The following GARIN2 variants were observed in gnomAD, a reference collection of about 807,000 sequenced individuals.
GARIN2 encodes golgi associated RAB2 interactor family member 2.
At chr14:67,203,491 T>C in the GARIN2 span, among the ~76,000 whole-genome samples, 1 of 152,170 alleles carries the variant, frequency 6.6e-6, no homozygotes, top group Non-Finnish European at 1.5e-5. Context: ...GCAGTTAATT[T>C]TTAAAAAACT....
chr14:67,216,479 G>A, the GARIN2 span, among the ~76,000 whole-genome samples: 1 of 151,716 alleles, frequency 6.6e-6, no homozygotes, highest in Admixed American at 6.6e-5. Context: ...AGTTCCTCAA[G>A]GTGCATCATT....
the GARIN2 span, among the ~76,000 whole-genome samples, chr14:67,211,705 T>C: frequency 1.3e-4 from 20 of 151,922 alleles, no homozygotes; most frequent in African/African-American, 4.8e-4. Flanking sequence ...ACAGTGGGAG[T>C]ACCATCCTGG....
At chr14:67,194,572 C>A in the GARIN2 span, among the ~76,000 whole-genome samples, 1 of 152,032 alleles carries the variant, frequency 6.6e-6, no homozygotes, top group Admixed American at 6.6e-5. Flanking sequence ...GTGGCACAAT[C>A]TTGGCTCACT....
the GARIN2 span, among the ~76,000 whole-genome samples, chr14:67,196,342 G>A: frequency 2.0e-5 from 3 of 151,482 alleles, no homozygotes; most frequent in Non-Finnish European, 4.4e-5. Context: ...TCAGTCTCCC[G>A]AATAGCTGGG....
the GARIN2 span, chr14:67,208,533 G>T: frequency 7.2e-7 from 1 of 1,386,354 alleles, no homozygotes; most frequent in Non-Finnish European, 9.7e-7. Context: ...CTTAACTCAG[G>T]CATCTGCCAC....
the GARIN2 span, among the ~76,000 whole-genome samples, chr14:67,220,729 ACATT>A: frequency 1.3e-5 from 2 of 152,188 alleles, no homozygotes; most frequent in African/African-American, 4.8e-5. Flanking sequence ...TTTTCAAGGT[ACATT>A]TACCTGATGC....
the GARIN2 span, among the ~76,000 whole-genome samples, chr14:67,194,257 G>A: frequency 1.1e-4 from 17 of 150,508 alleles, no homozygotes; most frequent in Non-Finnish European, 1.2e-4. Flanking sequence ...CCAACTACTC[G>A]GGAGGCTGAG....
the GARIN2 span, chr14:67,221,717 T>G: frequency 6.3e-7 from 1 of 1,594,830 alleles, no homozygotes; most frequent in East Asian, 2.2e-5. Context: ...ATCTAGTAGA[T>G]CTTTTCTAAA....
At chr14:67,204,824 C>T in the GARIN2 span, 1 of 1,613,956 alleles carries the variant, frequency 6.2e-7, no homozygotes, top group Non-Finnish European at 8.5e-7. Flanking sequence ...GCCATCCTGA[C>T]CCCGTACATG....
the GARIN2 span, among the ~76,000 whole-genome samples, chr14:67,214,612 T>C: frequency 6.6e-6 from 1 of 152,178 alleles, no homozygotes; most frequent in Non-Finnish European, 1.5e-5. Context: ...TGCCTCCAGC[T>C]TTGTTCTTTT....
chr14:67,199,611 G>A, the GARIN2 span: 1 of 1,588,786 alleles, frequency 6.3e-7, no homozygotes, highest in Admixed American at 1.7e-5. Flanking sequence ...GACTCCAAGG[G>A]TGAGCGCCAT....
chr14:67,225,029 T>G, the GARIN2 span: 1 of 1,204,394 alleles, frequency 8.3e-7, no homozygotes, highest in Non-Finnish European at 1.1e-6. Context: ...GCCTTTTTTT[T>G]CCTCCTGCTT....
chr14:67,217,186 T>A, the GARIN2 span, among the ~76,000 whole-genome samples: 3 of 152,276 alleles, frequency 2.0e-5, no homozygotes, highest in African/African-American at 7.2e-5. Context: ...TTACAGTTTC[T>A]GACATAAATT....
the GARIN2 span, chr14:67,225,149 T>C: frequency 6.3e-7 from 1 of 1,586,328 alleles, no homozygotes; most frequent in Non-Finnish European, 8.6e-7. Context: ...CTCCTTCTAA[T>C]TTCCTCAAAC....
chr14:67,224,112 C>T, the GARIN2 span: 11 of 674,338 alleles, frequency 1.6e-5, no homozygotes, highest in Admixed American at 6.3e-5. Flanking sequence ...CAGCAGTTTG[C>T]GAAAGTTAAA....
At chr14:67,203,345 C>T in the GARIN2 span, 1 of 1,417,040 alleles carries the variant, frequency 7.1e-7, no homozygotes, top group Non-Finnish European at 9.5e-7. Flanking sequence ...GTGCATTAGC[C>T]CTGTGGATCT....
chr14:67,212,568 G>A, the GARIN2 span, among the ~76,000 whole-genome samples: 1 of 129,766 alleles, frequency 7.7e-6, no homozygotes, highest in Non-Finnish European at 1.7e-5. Flanking sequence ...TCCAGCCTGG[G>A]TGACAGAGCA....
chr14:67,204,501 G>A, the GARIN2 span: 3 of 1,581,850 alleles, frequency 1.9e-6, no homozygotes, highest in Non-Finnish European at 2.6e-6. Context: ...CCTCCCATCA[G>A]GTCTCCAGAT....
the GARIN2 span, among the ~76,000 whole-genome samples, chr14:67,227,015 A>G: frequency 6.6e-6 from 1 of 152,242 alleles, no homozygotes; most frequent in East Asian, 1.9e-4. Context: ...AATATTTTAC[A>G]ATGATTTCAA....
Sources: gnomAD v4.1 joint callset for allele counts (sites outside exome capture counted in the v4.1 genomes callset) on GRCh38, gnomAD v4.1.1 for gene constraint, MANE v1.5 for transcripts, NCBI Gene and HGNC (gene_info 2026-07-23, HGNC 2026-07-21) for gene names.